NFIX: variants seen among roughly 807,000 people sequenced by gnomAD.
The protein encoded by NFIX is nuclear factor I X.
A neutral mutation model predicts 53.3 loss-of-function variants in NFIX; 2 were observed. That is an observed-to-expected ratio of 0.04 (90% CI 0.02 to 0.12). The LOEUF (loss-of-function observed/expected upper bound fraction) is 0.12. Ranked by LOEUF, NFIX falls within the 10% of genes least tolerant of loss-of-function variation. The probability of loss-of-function intolerance (pLI) is 1.00; values close to 1 mark genes in which losing one functional copy is unlikely to be tolerated. For synonymous variants in NFIX, 244 were observed against 289.0 expected (o/e 0.84, Z 1.58); for missense variants, 310 against 674.5 (o/e 0.46, Z 5.99).
At position 13,012,977 on chromosome 19, in the gene NFIX, C is replaced by A. The variant is rs1048182893; in HGVS notation, c.28-12044C>A. Among the ~76,000 whole-genome samples the A allele has an allele frequency of 3.3e-5, 5 of 151,764 alleles. No individual in the cohort carries two copies. Among genetic ancestry groups the A allele is most frequent in the African/African-American group, 9.7e-5 (4 of 41,282 alleles). On this transcript the variant is annotated intron_variant, in intron 1 of 10. Coordinates refer to ENST00000592199, the MANE Select transcript of NFIX (RefSeq NM_001365902.3). This position sits in a 1 kb window ranked among gnomAD's most constrained non-coding sequence, Gnocchi z 5.0. The stretch of plus-strand genomic sequence containing the variant: ...GGGGGATTTTGTCCTCCAGCGAGCG[C>A]GGGGAAGAAATGTGACTAAGTGGCA...
At position 13,078,824 on chromosome 19, in the gene NFIX, C is replaced by T. The variant is rs139073846; in HGVS notation, c.1078+89C>T. The T allele has an allele frequency of 5.3e-4, 758 of 1,418,116 alleles. 8 individuals carry two copies. The African/African-American group carries it at 9.7e-3, about 18-fold the overall frequency. 87.8% of individuals were successfully genotyped at this position (1,418,116 alleles called of 1,614,324 possible). On this transcript the variant is annotated intron_variant, in intron 7 of 10. Transcript: ENST00000592199. This position sits in a 1 kb window ranked among gnomAD's most constrained non-coding sequence, Gnocchi z 4.7. ...GGCCAGGTGAAGGGGCCAGAGCTGA[C>T]CCCGAGTGACAGCCCCACGCTCTCC...
At position 13,090,444 on chromosome 19, in the gene NFIX, TG is replaced by T; in HGVS notation, c.1494+60del. 6.6e-7 allele frequency: 1 copy of T among 1,522,464 alleles called. No homozygotes were observed. 94.3% of individuals were successfully genotyped at this position (1,522,464 alleles called of 1,614,324 possible). ...CAGGGACCAGGGGAGTAGTCAGGGT[TG>T]GGGGGCATCTTGGTGTTAGGGAAGA... On this transcript the variant is annotated intron_variant, in intron 10 of 10. Coordinates refer to ENST00000592199, the MANE Select transcript of NFIX (RefSeq NM_001365902.3). This position sits in a 1 kb window ranked among gnomAD's most constrained non-coding sequence, Gnocchi z 6.6.
In NFIX at chr19:13,088,766, C is replaced by T. The variant is rs117637969; in HGVS notation, c.1402+630C>T. ...CGTCCCTTCTCCGCAATTCCTTTCC[C>T]AGGTTAGATGTTCCAAGGACGAGGG... On this transcript the variant is annotated intron_variant, in intron 9 of 10. Transcript: ENST00000592199. This position sits in a 1 kb window ranked among gnomAD's most constrained non-coding sequence, Gnocchi z 5.9. 3.2e-3 allele frequency among the ~76,000 whole-genome samples: 481 copies of T among 152,216 alleles called. 1 individual carries two copies. The highest frequency in any genetic ancestry group is 4.3e-3 in the Non-Finnish European group (293 of 68,010).
Position 13,098,149 on chromosome 19 carries a change from C to T in NFIX, c.*3500C>T, listed in dbSNP as rs1734001828. ...CTCAGACGACCCACCACTCCCCCACCCTGACCGTGCTGAACAGACCCCCCC... is the reference window on the plus strand; with the variant it reads ...CTCAGACGACCCACCACTCCCCCACTCTGACCGTGCTGAACAGACCCCCCC... On this transcript the variant is annotated 3_prime_UTR_variant, in exon 11 of 11. Coordinates refer to ENST00000592199, the MANE Select transcript of NFIX (RefSeq NM_001365902.3). 1.3e-5 allele frequency: 2 copies of T among 152,264 alleles called. No homozygotes were observed. The highest frequency in any genetic ancestry group is 4.8e-5 in the African/African-American group (2 of 41,430). 9.4% of individuals were successfully genotyped at this position (152,264 alleles called of 1,614,324 possible). A position where few individuals can be genotyped will look rare whatever the true frequency, so the allele number is the denominator to read the frequency against.
At chr19:13,024,623 TGC>T in intron 1 of NFIX, 1 of 1,536,226 alleles carries the variant, frequency 6.5e-7, no homozygotes, top group Non-Finnish European at 8.7e-7. Flanking sequence ...AGTTCACGGC[TGC>T]GATAGAACAT....
chr19:13,079,014 G>A (rs1166676546), intron 7 of NFIX, among the ~76,000 whole-genome samples: 1 of 152,194 alleles, frequency 6.6e-6, no homozygotes, highest in Admixed American at 6.5e-5. Flanking sequence ...ACACAAGCCT[G>A]TCCCGAGTCC....
rs924803024 is a variant in NFIX, at chr19:13,028,737, A to G, written c.559+3185A>G. ...ATCCATTTCCTGGTGATATCCTTCC[A>G]TTCAAAGCGGGTATCCCAGAACAGG... On this transcript the variant is annotated intron_variant, in intron 2 of 10. Transcript: ENST00000592199. This position sits in a 1 kb window ranked among gnomAD's most constrained non-coding sequence, Gnocchi z 4.2. Among the ~76,000 whole-genome samples the G allele has an allele frequency of 6.6e-6, 1 of 152,088 alleles. No individual in the cohort carries two copies. Among genetic ancestry groups the G allele is most frequent in the Non-Finnish European group, 1.5e-5 (1 of 68,002 alleles).
At chr19:13,064,909 T>G (rs2016309949) in intron 2 of NFIX, among the ~76,000 whole-genome samples, 1 of 152,252 alleles carries the variant, frequency 6.6e-6, no homozygotes, top group South Asian at 2.1e-4. Context: ...GCTAAGCACC[T>G]TATTATACAT....
intron 10 of NFIX, among the ~76,000 whole-genome samples, chr19:13,092,464 G>T (rs939772236): frequency 1.3e-5 from 2 of 152,208 alleles, no homozygotes; most frequent in Non-Finnish European, 2.9e-5. Flanking sequence ...CCCCCAGTCT[G>T]AGCATTGGCA....
chr19:13,087,920 G>A (rs1018446353), intron 8 of NFIX, 69 bp from the exon 9 acceptor site: 1 of 1,523,540 alleles, frequency 6.6e-7, no homozygotes, highest in Non-Finnish European at 8.8e-7. Flanking sequence ...AGCTGGCGCG[G>A]CCGCGCAGGG....
At chr19:13,041,831 A>G (rs1446341234) in intron 2 of NFIX, among the ~76,000 whole-genome samples, 1 of 151,290 alleles carries the variant, frequency 6.6e-6, no homozygotes, top group Non-Finnish European at 1.5e-5. Flanking sequence ...TGTGTATTCT[A>G]CTATGTCGCT....
rs2016537066 is a variant in NFIX at position 13,068,076 on chromosome 19, G to T, written c.560-4971G>T. 6.6e-6 allele frequency among the ~76,000 whole-genome samples: 1 copy of T among 151,856 alleles called. No individual in the cohort carries two copies. Among genetic ancestry groups the T allele is most frequent in the African/African-American group, 2.4e-5 (1 of 41,310 alleles). The stretch of plus-strand genomic sequence containing the variant: ...GCCGAGATCGCACCACTGCACTCCA[G>T]CCTGGGTGACAGAGCAAGACTCCAT... On this transcript the variant is annotated intron_variant, in intron 2 of 10. Coordinates refer to ENST00000592199, the MANE Select transcript of NFIX (RefSeq NM_001365902.3). This position sits in a 1 kb window ranked among gnomAD's most constrained non-coding sequence, Gnocchi z 4.2.
In NFIX at chr19:13,088,224, C is replaced by G; in HGVS notation, c.1402+88C>G. On this transcript the variant is annotated intron_variant, in intron 9 of 10. Coordinates refer to ENST00000592199, the MANE Select transcript of NFIX (RefSeq NM_001365902.3). This position sits in a 1 kb window ranked among gnomAD's most constrained non-coding sequence, Gnocchi z 5.9. ...CACTGCAAAAAGAAAAGCCTTCCCC[C>G]TCCCCACCACCAAAGCCCCCCAACC... 6.9e-7 allele frequency: 1 copy of G among 1,451,288 alleles called. No individual in the cohort carries two copies. The highest frequency in any genetic ancestry group is 9.2e-7 in the Non-Finnish European group (1 of 1,083,756). The allele number at this position is 1,451,288 out of a possible 1,614,324, so 89.9% of individuals were successfully genotyped here.
At chr19:13,003,672 T>C (rs2011851538) in intron 1 of NFIX, among the ~76,000 whole-genome samples, 2 of 152,060 alleles carry the variant, frequency 1.3e-5, no homozygotes, top group Non-Finnish European at 2.9e-5. Flanking sequence ...CAGACTGTCA[T>C]CTGTAGCCCA....
chr19:13,011,854 A>C lies in NFIX; in HGVS notation c.28-13167A>C, dbSNP rs1291791896. Among the ~76,000 whole-genome samples, 7 of 151,750 alleles carry C rather than the reference A, an allele frequency of 4.6e-5. No homozygotes were observed. Among genetic ancestry groups the C allele is most frequent in the Non-Finnish European group, 1.0e-4 (7 of 67,936 alleles). On this transcript the variant is annotated intron_variant, in intron 1 of 10. Coordinates refer to ENST00000592199, the MANE Select transcript of NFIX (RefSeq NM_001365902.3). The surrounding 1 kb of genome is among the most constrained non-coding windows in gnomAD (Gnocchi z 6.5). ...TCTCAAGGCGCCTGGCATTTCCTGG[A>C]CCCGCTGCAACTGACTCAAGACTGG...
intron 2 of NFIX, among the ~76,000 whole-genome samples, chr19:13,029,405 G>A (rs1412474460): frequency 1.3e-5 from 2 of 152,042 alleles, no homozygotes; most frequent in Non-Finnish European, 2.9e-5. Context: ...TTTATAGTTT[G>A]TTTGAATCAG....
At chr19:13,083,361 A>T (rs2017585890) in intron 8 of NFIX, among the ~76,000 whole-genome samples, 1 of 152,128 alleles carries the variant, frequency 6.6e-6, no homozygotes. Context: ...CAGGATTTGG[A>T]GTCAAATTCA....
At chr19:13,038,474 A>G (rs1398114133) in intron 2 of NFIX, among the ~76,000 whole-genome samples, 1 of 152,184 alleles carries the variant, frequency 6.6e-6, no homozygotes, top group African/African-American at 2.4e-5. Flanking sequence ...TCTGCCACCC[A>G]AAGAAGCTTC....
Position 13,088,280 on chromosome 19 carries a change from C to G in NFIX, c.1402+144C>G. ...CACCATGGACAAGAGCAGAGCCGAG[C>G]CCCCCAACCACAGCCTCCCTCCCGG... On this transcript the variant is annotated intron_variant, in intron 9 of 10. Coordinates refer to ENST00000592199, the MANE Select transcript of NFIX (RefSeq NM_001365902.3). The surrounding 1 kb of genome is among the most constrained non-coding windows in gnomAD (Gnocchi z 5.9). 1 of 1,037,546 alleles carries G rather than the reference C, an allele frequency of 9.6e-7. No individual in the cohort carries two copies. Among genetic ancestry groups the G allele is most frequent in the Non-Finnish European group, 1.4e-6 (1 of 735,230 alleles). The allele number at this position is 1,037,546 out of a possible 1,614,324, so 64.3% of individuals were successfully genotyped here.
Sources: allele counts gnomAD v4.1 joint callset (sites outside exome capture counted in the v4.1 genomes callset), GRCh38; gene constraint gnomAD v4.1.1; non-coding constraint Gnocchi (gnomAD v3.1); transcripts MANE v1.5; gene names NCBI Gene and HGNC (gene_info 2026-07-23, HGNC 2026-07-21).